Variants in MYOM1 observed in about 807,000 individuals in gnomAD.
MYOM1 encodes the protein myomesin-1.
In MYOM1, 164 loss-of-function variants were observed where a neutral mutation model predicts 205.3. That is an observed-to-expected ratio of 0.80 (90% CI 0.70 to 0.91). The LOEUF is 0.91. Ranked by LOEUF, MYOM1 falls within the 40% of genes least tolerant of loss-of-function variation. The pLI is 0.00. For synonymous variants in MYOM1, 772 were observed against 789.4 expected (o/e 0.98, Z 0.37); for missense variants, 2,011 against 2,127.3 (o/e 0.95, Z 1.08).
At chr18:3,093,907 T>A (rs1008424679) in intron 26 of MYOM1, among the ~76,000 whole-genome samples, 1 of 152,166 alleles carries the variant, frequency 6.6e-6, no homozygotes, top group African/African-American at 2.4e-5. Context: ...TTCATGGGGA[T>A]CATACATCTC....
intron 33 of MYOM1, among the ~76,000 whole-genome samples, chr18:3,083,437 T>TC (rs1389464767): frequency 7.1e-6 from 1 of 139,876 alleles, no homozygotes; most frequent in Non-Finnish European, 1.6e-5. Flanking sequence ...CTTTTTTTTT[T>TC]TTTTTTTTTG....
chr18:3,080,673 CAA>C (rs11361871), intron 33 of MYOM1, among the ~76,000 whole-genome samples: 5 of 135,514 alleles, frequency 3.7e-5, no homozygotes, highest in Admixed American at 7.4e-5. Context: ...GGCTCCATCT[CAA>C]AAAAAAAAAA....
At chr18:3,178,492 T>G (rs184810215) in intron 5 of MYOM1, among the ~76,000 whole-genome samples, 3 of 152,182 alleles carry the variant, frequency 2.0e-5, no homozygotes, top group Non-Finnish European at 4.4e-5. Context: ...GGTTTGGGAG[T>G]AGGGAACATG....
intron 11 of MYOM1, 128 bp downstream of exon 11, chr18:3,154,819 A>C: frequency 1.0e-6 from 1 of 981,818 alleles, no homozygotes. Flanking sequence ...ATGAAGAGAG[A>C]TACAGAAATA....
chr18:3,100,757 G>A (rs895320595), intron 23 of MYOM1, among the ~76,000 whole-genome samples: 8 of 152,110 alleles, frequency 5.3e-5, no homozygotes, highest in African/African-American at 1.9e-4. Flanking sequence ...CACTTCCCCC[G>A]CCAAGGGCAG....
chr18:3,119,234 G>A (rs1422994419), intron 20 of MYOM1, among the ~76,000 whole-genome samples: 5 of 152,060 alleles, frequency 3.3e-5, no homozygotes, highest in East Asian at 1.9e-4. Context: ...TTGGCTCAGA[G>A]TTTGGAAAAT....
Position 3,151,983 on chromosome 18 carries a change from G to T in MYOM1, c.1644-90C>A. 2.3e-6 allele frequency: 3 copies of T among 1,329,172 alleles called. No homozygotes were observed. The South Asian group carries it at 4.3e-5, about 19-fold the overall frequency. The allele number at this position is 1,329,172 out of a possible 1,614,324, so 82.3% of individuals were successfully genotyped here. Reference sequence around the variant, plus strand: ...GCTGCAGAATCACCCAGTTGTTTCAGATCTTCTCCCTATAAAATATCCAAG... The same window carrying T: ...GCTGCAGAATCACCCAGTTGTTTCATATCTTCTCCCTATAAAATATCCAAG... On this transcript the variant is annotated intron_variant, in intron 11 of 37. Coordinates refer to ENST00000356443, the MANE Select transcript of MYOM1 (RefSeq NM_003803.4).
rs769395611 is a variant in MYOM1 at position 3,219,486 on chromosome 18, C to G, written c.-29+317G>C. Among the ~76,000 whole-genome samples, 3 of 152,132 alleles carry G rather than the reference C, an allele frequency of 2.0e-5. No individual in the cohort carries two copies. Among genetic ancestry groups the G allele is most frequent in the Non-Finnish European group, 4.4e-5 (3 of 68,028 alleles). On this transcript the variant is annotated intron_variant, in intron 1 of 37. Transcript: ENST00000356443. This position sits in a 1 kb window ranked among gnomAD's most constrained non-coding sequence, Gnocchi z 4.4. ...TCTCTCATCCATTTCAGATTTCAAC[C>G]AAACCGTACTTGGAAATAGCATTAA...
chr18:3,145,309 C>CA (rs543810626), intron 13 of MYOM1, among the ~76,000 whole-genome samples: 24,197 of 124,452 alleles, frequency 0.19, 2,653 homozygotes, highest in African/African-American at 0.36. Context: ...GACTCCATCT[C>CA]AAAAAAAAAA....
intron 11 of MYOM1, among the ~76,000 whole-genome samples, chr18:3,154,250 G>A (rs1408437042): frequency 6.6e-6 from 1 of 151,692 alleles, no homozygotes; most frequent in East Asian, 1.9e-4. Context: ...ACATAAGCTG[G>A]TAGCCAAATT....
chr18:3,201,591 C>T (rs777925027), intron 2 of MYOM1, among the ~76,000 whole-genome samples: 25 of 150,650 alleles, frequency 1.7e-4, no homozygotes, highest in East Asian at 3.9e-4. Flanking sequence ...TAAATTTATA[C>T]GTATATAAGC....
intron 25 of MYOM1, among the ~76,000 whole-genome samples, chr18:3,098,555 G>T (rs2079336115): frequency 6.6e-6 from 1 of 152,128 alleles, no homozygotes; most frequent in South Asian, 2.1e-4. Flanking sequence ...GGGATTACAG[G>T]TGTGAGCCAC....
intron 12 of MYOM1, 40 bp from the exon 13 acceptor site, chr18:3,149,241 G>C (rs923899307): frequency 6.4e-7 from 1 of 1,568,562 alleles, no homozygotes. Flanking sequence ...ACGTTTACAA[G>C]TGTGCAATTT....
At chr18:3,168,328 C>T (rs1286803951) in intron 9 of MYOM1, among the ~76,000 whole-genome samples, 3 of 151,928 alleles carry the variant, frequency 2.0e-5, no homozygotes, top group African/African-American at 4.8e-5. Flanking sequence ...GTCTCTCCGT[C>T]GCCCAGGCGG....
chr18:3,175,712 G>A (rs1046423623), intron 6 of MYOM1, among the ~76,000 whole-genome samples: 2 of 152,132 alleles, frequency 1.3e-5, no homozygotes, highest in Non-Finnish European at 2.9e-5. Flanking sequence ...GAATATAAAT[G>A]CCTCTTTATG....
At chr18:3,191,688 T>C (rs996382873) in intron 3 of MYOM1, among the ~76,000 whole-genome samples, 2 of 151,910 alleles carry the variant, frequency 1.3e-5, no homozygotes, top group African/African-American at 4.8e-5. Flanking sequence ...TCAATTTTTC[T>C]TCACATCTTT....
rs758488551 is a variant in MYOM1, at chr18:3,193,867, C to G, written c.382G>C (p.Glu128Gln). ...RAKHSLLSGE[E>Q]KENLPSDYMV... ...TAGTCACTGGGCAAATTTTCTTTCT[C>G]TTCTCCAGACAGTAGGCTGTGCTTG... Residue 128 changes from glutamate to glutamine, a missense_variant, in exon 3 of 38, where the codon GAG becomes CAG. Transcript: ENST00000356443. The G allele has an allele frequency of 6.2e-7, 1 of 1,613,840 alleles. No homozygotes were observed. Among genetic ancestry groups the G allele is most frequent in the Admixed American group, 1.7e-5 (1 of 60,022 alleles).
the MYOM1 span, chr18:3,246,117 G>A: frequency 1.3e-5 from 2 of 152,334 alleles, no homozygotes; most frequent in Non-Finnish European, 2.9e-5. Context: ...TCAAGCTGAG[G>A]GGAAGACTGA....
intron 25 of MYOM1, among the ~76,000 whole-genome samples, chr18:3,098,198 T>G (rs2079330096): frequency 6.6e-6 from 1 of 152,224 alleles, no homozygotes; most frequent in Non-Finnish European, 1.5e-5. Flanking sequence ...TCAATTAATG[T>G]TCATATTTTT....
Sources: gnomAD v4.1 joint callset for allele counts (sites outside exome capture counted in the v4.1 genomes callset) on GRCh38, gnomAD v4.1.1 for gene constraint, Gnocchi (gnomAD v3.1) non-coding constraint, MANE v1.5 for transcripts, NCBI Gene and HGNC (gene_info 2026-07-23, HGNC 2026-07-21) for gene names.